The following TMPO variants were observed in gnomAD, a reference collection of about 807,000 sequenced individuals.
The protein encoded by TMPO is thymopoietin, also known as LEM domain containing 4.
TMPO carries 22 observed loss-of-function variants against 45.4 expected under a neutral mutation model. That is an observed-to-expected ratio of 0.48 (90% CI 0.35 to 0.69). The LOEUF (loss-of-function observed/expected upper bound fraction) is 0.69, where lower values mean the gene tolerates loss of function less well. TMPO is among the 30% of genes least tolerant of loss of function. The pLI, the probability that TMPO is intolerant of heterozygous loss-of-function variation, is 0.01. For synonymous variants in TMPO, 241 were observed against 204.1 expected, an observed-to-expected ratio of 1.18 and a Z score of -1.54; for missense variants, 512 against 548.8, an observed-to-expected ratio of 0.93 and a Z score of 0.67.
chr12:98,533,806 G>T, intron 3 of TMPO: 1 of 1,614,180 alleles, frequency 6.2e-7, no homozygotes, highest in South Asian at 1.1e-5. Context: ...GCCTTCACTG[G>T]CATGCAAATA....
intron 3 of TMPO, chr12:98,534,110 T>C (rs775724468): frequency 1.9e-6 from 3 of 1,613,308 alleles, no homozygotes; most frequent in Admixed American, 1.7e-5. Flanking sequence ...CTTGGGATTC[T>C]GAGCAAAACA....
chr12:98,533,341 G>T, intron 3 of TMPO: 6 of 1,614,188 alleles, frequency 3.7e-6, no homozygotes, highest in Non-Finnish European at 4.2e-6. Context: ...AGCACTAGAA[G>T]AGTCTGAGAG....
At chr12:98,540,284 ACC>A (rs1405628940) in intron 4 of TMPO, among the ~76,000 whole-genome samples, 9 of 152,306 alleles carry the variant, frequency 5.9e-5, no homozygotes, top group African/African-American at 2.2e-4. Context: ...AATTTTTCAT[ACC>A]TGTGCTATCC....
chr12:98,534,173 C>T (rs1352609014), intron 3 of TMPO: 1 of 1,613,900 alleles, frequency 6.2e-7, no homozygotes, highest in Non-Finnish European at 8.5e-7. Context: ...GTGAAGATGG[C>T]TGCCCATACC....
In TMPO at chr12:98,548,739, T is replaced by C. The variant is rs1878364916; in HGVS notation, c.*881T>C. The C allele has an allele frequency of 6.6e-6, 1 of 152,238 alleles. No homozygotes were observed. 9.4% of individuals were successfully genotyped at this position (152,238 alleles called of 1,614,324 possible). On this transcript the variant is annotated 3_prime_UTR_variant, in exon 9 of 9. Transcript: ENST00000556029. Reference sequence around the variant, plus strand: ...TGTAAACACTGGTCTTATGTTTCATTTGGATTCATTATTGCATTGTCTTGT... The same window carrying C: ...TGTAAACACTGGTCTTATGTTTCATCTGGATTCATTATTGCATTGTCTTGT...
At chr12:98,544,710 C>A in intron 6 of TMPO, 173 bp downstream of exon 6, 1 of 651,310 alleles carries the variant, frequency 1.5e-6, no homozygotes, top group Non-Finnish European at 2.6e-6. Context: ...CCTATAATAT[C>A]CAATTTATGT....
At chr12:98,537,393 A>G in intron 3 of TMPO, 82 bp from the exon 4 acceptor site, 1 of 1,197,568 alleles carries the variant, frequency 8.4e-7, no homozygotes, top group Non-Finnish European at 1.2e-6. Context: ...GCCTAAAACC[A>G]GGGTTCCCGA....
rs1404232578 is a variant in TMPO at position 98,515,720 on chromosome 12, G to A, written c.-148G>A. On this transcript the variant is annotated 5_prime_UTR_variant, in exon 1 of 9. Transcript: ENST00000556029. ...CCGGGTCTGGCTTGGCTTTGTGTCCGCGAGTTTTTGTTCCGCTCCGCAGCG... is the reference window on the plus strand; with the variant it reads ...CCGGGTCTGGCTTGGCTTTGTGTCCACGAGTTTTTGTTCCGCTCCGCAGCG... The A allele has an allele frequency of 6.0e-6, 9 of 1,500,850 alleles. No individual in the cohort carries two copies. Among genetic ancestry groups the A allele is most frequent in the African/African-American group, 2.8e-5 (2 of 71,532 alleles). The allele number at this position is 1,500,850 out of a possible 1,614,324, so 93.0% of individuals were successfully genotyped here.
chr12:98,517,062 C>T (rs1432067558), intron 1 of TMPO, among the ~76,000 whole-genome samples: 3 of 152,216 alleles, frequency 2.0e-5, no homozygotes, highest in Admixed American at 6.5e-5. Context: ...CCTCCCGCCT[C>T]GGCCTCACAA....
intron 2 of TMPO, among the ~76,000 whole-genome samples, chr12:98,530,768 G>C (rs1877134536): frequency 6.6e-6 from 1 of 152,128 alleles, no homozygotes; most frequent in South Asian, 2.1e-4. Context: ...TTTCATAGAG[G>C]TACAATCCGC....
chr12:98,547,487 G>A (rs1878295782), intron 8 of TMPO, 86 bp from the exon 9 acceptor site: 3 of 1,504,724 alleles, frequency 2.0e-6, no homozygotes, highest in Middle Eastern at 1.7e-4. Flanking sequence ...CTTGGAATTA[G>A]GAGTGGCAAT....
At chr12:98,544,860 A>G in intron 6 of TMPO, 91 bp from the exon 7 acceptor site, 1 of 1,092,740 alleles carries the variant, frequency 9.2e-7, no homozygotes, top group Non-Finnish European at 1.4e-6. Flanking sequence ...AAAATTTCTA[A>G]TATTACAGAG....
At chr12:98,544,406 ATATT>A (rs751920389) in intron 5 of TMPO, 32 bp from the exon 6 acceptor site, 5 of 1,612,344 alleles carry the variant, frequency 3.1e-6, no homozygotes, top group Middle Eastern at 1.7e-4. Context: ...GTATTATTTT[ATATT>A]TATTGTTTTT....
At chr12:98,543,378 G>T (rs1878041026) in intron 4 of TMPO, among the ~76,000 whole-genome samples, 1 of 152,152 alleles carries the variant, frequency 6.6e-6, no homozygotes, top group African/African-American at 2.4e-5. Flanking sequence ...GGAATTTCGG[G>T]CCCTACAGCT....
At chr12:98,532,278 G>C (rs1298480586) in intron 3 of TMPO, 1 of 163,544 alleles carries the variant, frequency 6.1e-6, no homozygotes, top group Admixed American at 6.0e-5. Flanking sequence ...TATATAAACA[G>C]TATGCTAAAT....
In TMPO at chr12:98,544,949, A is replaced by T; in HGVS notation, c.880-2A>T. The T allele has an allele frequency of 1.2e-6, 2 of 1,602,290 alleles. No homozygotes were observed. The highest frequency in any genetic ancestry group is 1.1e-5 in the South Asian group (1 of 90,836). ...GAGTCTGAATAATTTGAATCTTGGC[A>T]GGTTGTCAATAGGGTGACTGGAAAT... On this transcript the variant is annotated splice_acceptor_variant, in intron 6 of 8. Transcript: ENST00000556029. LOFTEE classifies it high-confidence loss of function.
intron 3 of TMPO, chr12:98,532,944 C>T (rs757659026): frequency 2.5e-6 from 4 of 1,614,142 alleles, no homozygotes; most frequent in Middle Eastern, 1.6e-4. Context: ...AAATCTCCAC[C>T]CGTCCTCCTT....
At position 98,534,200 on chromosome 12, in the gene TMPO, T is replaced by C. The variant is rs1439982638; in HGVS notation, c.565+2362T>C. Reference sequence around the variant, plus strand: ...GCCCATACCATGGGAAATGCCACTGTAGGTCGTCGATACCTCTGGCTGAAG... The same window carrying C: ...GCCCATACCATGGGAAATGCCACTGCAGGTCGTCGATACCTCTGGCTGAAG... On this transcript the variant is annotated intron_variant, in intron 3 of 8. Coordinates refer to ENST00000556029, the MANE Select transcript of TMPO (RefSeq NM_001032283.3). 7 of 1,613,884 alleles carry C rather than the reference T, an allele frequency of 4.3e-6. No individual in the cohort carries two copies. Among genetic ancestry groups the C allele is most frequent in the Admixed American group, 3.3e-5 (2 of 60,008 alleles).
At position 98,515,737 on chromosome 12, in the gene TMPO, T is replaced by C. The variant is rs1875727309; in HGVS notation, c.-131T>C. On this transcript the variant is annotated 5_prime_UTR_variant, in exon 1 of 9. Transcript: ENST00000556029. Reference sequence around the variant, plus strand: ...TTGTGTCCGCGAGTTTTTGTTCCGCTCCGCAGCGCTCTTCCCGGGCAGGAG... The same window carrying C: ...TTGTGTCCGCGAGTTTTTGTTCCGCCCCGCAGCGCTCTTCCCGGGCAGGAG... The C allele has an allele frequency of 3.3e-6, 5 of 1,529,666 alleles. No individual in the cohort carries two copies. The Admixed American group carries it at 8.2e-5, about 25-fold the overall frequency. The allele number at this position is 1,529,666 out of a possible 1,614,324, so 94.8% of individuals were successfully genotyped here.
Sources: allele counts gnomAD v4.1 joint callset (sites outside exome capture counted in the v4.1 genomes callset), GRCh38; gene constraint gnomAD v4.1.1; transcripts MANE v1.5; gene names NCBI Gene and HGNC (gene_info 2026-07-23, HGNC 2026-07-21).